Variants in GPC5 observed in about 807,000 individuals in gnomAD.
The protein encoded by GPC5 is glypican 5.
A neutral mutation model predicts 53.9 loss-of-function variants in GPC5; 47 were observed. That is an observed-to-expected ratio of 0.87 (90% CI 0.69 to 1.11). GPC5 has a LOEUF of 1.11. Among genes scored for constraint, GPC5 ranks in the 50% most tolerant of loss-of-function variants. GPC5 has a pLI of 0.00. For synonymous variants in GPC5, 286 were observed against 263.3 expected, an observed-to-expected ratio of 1.09 and a Z score of -0.84; for missense variants, 748 against 713.1, an observed-to-expected ratio of 1.05 and a Z score of -0.56.
At chr13:91,748,910 G>C (rs145245789) in intron 4 of GPC5, among the ~76,000 whole-genome samples, 69 of 152,268 alleles carry the variant, frequency 4.5e-4, no homozygotes, top group Non-Finnish European at 1.3e-4. Context: ...TATGCAATGC[G>C]TGTATAGGTG....
intron 2 of GPC5, among the ~76,000 whole-genome samples, chr13:91,539,402 A>G (rs2029864440): frequency 6.6e-6 from 1 of 152,144 alleles, no homozygotes; most frequent in Non-Finnish European, 1.5e-5. Context: ...TCTACCTCTC[A>G]ATGAAACTTT....
At position 92,523,798 on chromosome 13, in the gene GPC5, A is replaced by G. The variant is rs140184688; in HGVS notation, c.1562-342484A>G. On this transcript the variant is annotated intron_variant, in intron 7 of 7. Transcript: ENST00000377067. ...CATTTGAATTAATATTTTACAAGGCAGCTGTGTCAATTACATCACACAAGT... is the reference window on the plus strand; with the variant it reads ...CATTTGAATTAATATTTTACAAGGCGGCTGTGTCAATTACATCACACAAGT... 1.6e-3 allele frequency among the ~76,000 whole-genome samples: 238 copies of G among 151,702 alleles called. 3 individuals carry two copies. The highest frequency in any genetic ancestry group is 5.2e-3 in the African/African-American group (216 of 41,432).
chr13:92,256,076 G>A (rs554559886), intron 7 of GPC5, among the ~76,000 whole-genome samples: 17 of 151,808 alleles, frequency 1.1e-4, no homozygotes, highest in East Asian at 9.7e-4. Context: ...AAATATTGCC[G>A]TATCTATAAT....
At chr13:91,450,253 A>G (rs1352890928) in intron 2 of GPC5, among the ~76,000 whole-genome samples, 1 of 152,158 alleles carries the variant, frequency 6.6e-6, no homozygotes, top group African/African-American at 2.4e-5. Context: ...GTTGGAGGAA[A>G]ATTTACTGAT....
chr13:92,540,130 C>T (rs981093219), intron 7 of GPC5, among the ~76,000 whole-genome samples: 2 of 151,770 alleles, frequency 1.3e-5, no homozygotes, highest in African/African-American at 4.8e-5. Context: ...AACAATATAT[C>T]GATATAGATT....
At chr13:91,948,447 G>T (rs1209883963) in intron 6 of GPC5, among the ~76,000 whole-genome samples, 1 of 151,794 alleles carries the variant, frequency 6.6e-6, no homozygotes, top group Admixed American at 6.6e-5. Flanking sequence ...CACTGTTTTG[G>T]GCTGGGGATA....
At chr13:92,224,337 A>G (rs940916721) in intron 7 of GPC5, among the ~76,000 whole-genome samples, 22 of 152,200 alleles carry the variant, frequency 1.4e-4, no homozygotes, top group Admixed American at 1.2e-3. Context: ...TTTCTTGTCA[A>G]TTCTTCAAAG....
chr13:92,123,421 A>T (rs1259827073), intron 6 of GPC5, among the ~76,000 whole-genome samples: 1 of 152,178 alleles, frequency 6.6e-6, no homozygotes, highest in Admixed American at 6.5e-5. Context: ...TGACTTTAAA[A>T]TATGATAATA....
At chr13:92,861,456 T>C (rs1412013847) in intron 7 of GPC5, among the ~76,000 whole-genome samples, 1 of 152,172 alleles carries the variant, frequency 6.6e-6, no homozygotes, top group Non-Finnish European at 1.5e-5. Flanking sequence ...TGACACTTCA[T>C]TGTGTGTATG....
chr13:92,813,087 G>A (rs909233032), intron 7 of GPC5, among the ~76,000 whole-genome samples: 8 of 151,806 alleles, frequency 5.3e-5, no homozygotes, highest in African/African-American at 1.9e-4. Context: ...TTACATAATG[G>A]GAAAATATTG....
At chr13:91,468,081 G>A (rs1250543791) in intron 2 of GPC5, among the ~76,000 whole-genome samples, 2 of 152,170 alleles carry the variant, frequency 1.3e-5, no homozygotes, top group African/African-American at 2.4e-5. Flanking sequence ...TAGTGAAAGA[G>A]AGAAAGTCAG....
chr13:92,756,212 A>G (rs2139332735), intron 7 of GPC5, among the ~76,000 whole-genome samples: 1 of 152,228 alleles, frequency 6.6e-6, no homozygotes, highest in East Asian at 1.9e-4. Flanking sequence ...GCATATAAAC[A>G]GAGCCAAAGA....
chr13:91,946,512 G>A (rs1432281263), intron 6 of GPC5, among the ~76,000 whole-genome samples: 1 of 152,070 alleles, frequency 6.6e-6, no homozygotes, highest in African/African-American at 2.4e-5. Context: ...CTTTTTGAAG[G>A]GAAGTAGTGA....
intron 6 of GPC5, among the ~76,000 whole-genome samples, chr13:91,965,317 C>A (rs565180342): frequency 3.4e-4 from 52 of 152,284 alleles, no homozygotes; most frequent in African/African-American, 1.2e-3. Context: ...ACTTGCTCAG[C>A]TCCAGAAGGC....
intron 7 of GPC5, among the ~76,000 whole-genome samples, chr13:92,407,331 C>T (rs1382634019): frequency 1.3e-5 from 2 of 152,114 alleles, no homozygotes; most frequent in African/African-American, 4.8e-5. Flanking sequence ...GAAAAGCCAA[C>T]AAAGTTATGT....
At chr13:91,982,576 G>A (rs1362612392) in intron 6 of GPC5, among the ~76,000 whole-genome samples, 1 of 152,084 alleles carries the variant, frequency 6.6e-6, no homozygotes, top group African/African-American at 2.4e-5. Flanking sequence ...GTGAGTGAAA[G>A]ACGAAAATCT....
chr13:91,680,541 A>G (rs2035484352), intron 2 of GPC5, among the ~76,000 whole-genome samples: 1 of 152,216 alleles, frequency 6.6e-6, no homozygotes, highest in South Asian at 2.1e-4. Flanking sequence ...CATGGATTAC[A>G]ATGTCTTGAA....
intron 7 of GPC5, among the ~76,000 whole-genome samples, chr13:92,536,796 T>A (rs1404930349): frequency 6.6e-6 from 1 of 152,076 alleles, no homozygotes; most frequent in Non-Finnish European, 1.5e-5. Context: ...AAATTGTATA[T>A]GTATTAATAT....
At chr13:91,991,293 C>T (rs141968650) in intron 6 of GPC5, among the ~76,000 whole-genome samples, 568 of 152,292 alleles carry the variant, frequency 3.7e-3, no homozygotes, top group Non-Finnish European at 5.7e-3. Context: ...TTCTACAGTT[C>T]GATGACTCTG....
Sources: gnomAD v4.1 joint callset for allele counts (sites outside exome capture counted in the v4.1 genomes callset) on GRCh38, gnomAD v4.1.1 for gene constraint, MANE v1.5 for transcripts, NCBI Gene and HGNC (gene_info 2026-07-23, HGNC 2026-07-21) for gene names.